The following CELF4 variants were observed in gnomAD, a reference collection of about 807,000 sequenced individuals.
CELF4 encodes CUGBP Elav-like family member 4.
In CELF4, 18 loss-of-function variants were observed where a neutral mutation model predicts 59.9. That is an observed-to-expected ratio of 0.30 (90% CI 0.21 to 0.45). CELF4 has a LOEUF of 0.45. CELF4 is among the 20% of genes least tolerant of loss of function. CELF4 has a pLI of 1.00. For synonymous variants in CELF4, 261 were observed against 267.1 expected (o/e 0.98, Z 0.22); for missense variants, 456 against 689.0 (o/e 0.66, Z 3.79).
chr18:37,270,583 C>T (rs1383823175), intron 8 of CELF4, among the ~76,000 whole-genome samples, 185 bp downstream of exon 8: 2 of 152,182 alleles, frequency 1.3e-5, no homozygotes, highest in African/African-American at 4.8e-5. Flanking sequence ...GGATTTTGGT[C>T]TCATTTTTTC....
chr18:37,317,248 G>A lies in CELF4; in HGVS notation c.448+4555C>T, dbSNP rs953053719. Among the ~76,000 whole-genome samples the A allele has an allele frequency of 2.6e-5, 4 of 152,318 alleles. No homozygotes were observed. The East Asian group carries it at 5.8e-4, about 22-fold the overall frequency. On this transcript the variant is annotated intron_variant, in intron 3 of 12. Coordinates refer to ENST00000420428, the MANE Select transcript of CELF4 (RefSeq NM_020180.4). ...CTAATAATACAAAAATTAGCTAGGC[G>A]TGGTGGCGCACACTTGTAATCCCAG...
chr18:37,539,309 A>G lies in CELF4; in HGVS notation c.286+26047T>C, dbSNP rs189490955. The stretch of plus-strand genomic sequence containing the variant: ...AGCTGAAGCACAGAGAAGTTAAGCC[A>G]CTTGCCTAAGGTCACCCAGTTAGAG... On this transcript the variant is annotated intron_variant, in intron 1 of 12. Transcript: ENST00000420428. Among the ~76,000 whole-genome samples the G allele has an allele frequency of 1.6e-3, 249 of 152,314 alleles. 1 individual carries two copies. Among genetic ancestry groups the G allele is most frequent in the African/African-American group, 5.9e-3 (244 of 41,566 alleles).
intron 2 of CELF4, among the ~76,000 whole-genome samples, chr18:37,327,976 C>A (rs540370552): frequency 3.5e-4 from 54 of 152,328 alleles, no homozygotes; most frequent in African/African-American, 1.2e-3. Flanking sequence ...CACACATGAA[C>A]CTGCACTACT....
chr18:37,377,529 G>A (rs543624507), intron 2 of CELF4, among the ~76,000 whole-genome samples: 2 of 152,338 alleles, frequency 1.3e-5, no homozygotes, highest in South Asian at 4.1e-4. Flanking sequence ...CTGGGCTAGT[G>A]CCAGCTGAGG....
At chr18:37,423,064 G>A (rs62083619) in intron 2 of CELF4, among the ~76,000 whole-genome samples, 14,420 of 150,326 alleles carry the variant, frequency 0.096, 897 homozygotes, top group African/African-American at 0.18. Context: ...GCGCGCGCGC[G>A]CACACACACA....
In CELF4 at chr18:37,273,207, G is replaced by T. The variant is rs755229341; in HGVS notation, c.802-44C>A. On this transcript the variant is annotated intron_variant, in intron 6 of 12. Transcript: ENST00000420428. The stretch of plus-strand genomic sequence containing the variant: ...AAAAAATATCACGTGCTTCCAGGGG[G>T]CATCCCTCCCCGACAGGGGCCTCAG... 5.0e-6 allele frequency: 8 copies of T among 1,585,066 alleles called. No homozygotes were observed. In the African/African-American group the frequency reaches 9.4e-5, roughly 19 times the overall value.
intron 1 of CELF4, among the ~76,000 whole-genome samples, chr18:37,553,947 C>T (rs1240858587): frequency 6.6e-6 from 1 of 152,148 alleles, no homozygotes; most frequent in African/African-American, 2.4e-5. Context: ...AAAGAGGAAC[C>T]CTCCCCTCAC....
chr18:37,266,360 C>T (rs2077530255), intron 9 of CELF4, 173 bp downstream of exon 9: 2 of 701,478 alleles, frequency 2.9e-6, no homozygotes, highest in African/African-American at 1.8e-5. Context: ...TCTCGGTGGC[C>T]CGCTGACAAG....
intron 2 of CELF4, among the ~76,000 whole-genome samples, chr18:37,388,169 T>G (rs566836916): frequency 6.6e-6 from 1 of 151,980 alleles, no homozygotes; most frequent in African/African-American, 2.4e-5. Flanking sequence ...GGGGCTTCTC[T>G]AAAGGGAAAA....
intron 1 of CELF4, among the ~76,000 whole-genome samples, chr18:37,515,987 G>A (rs1388879500): frequency 6.6e-6 from 1 of 152,180 alleles, no homozygotes; most frequent in African/African-American, 2.4e-5. Flanking sequence ...GGCACTTGAT[G>A]CACTTTGGTG....
intron 2 of CELF4, among the ~76,000 whole-genome samples, chr18:37,398,721 C>G (rs893247550): frequency 6.6e-5 from 10 of 152,154 alleles, no homozygotes; most frequent in African/African-American, 2.2e-4. Flanking sequence ...CTCTCCAAGG[C>G]GTGGGGGTTC....
chr18:37,515,833 C>T (rs980123321), intron 1 of CELF4, among the ~76,000 whole-genome samples: 1 of 151,996 alleles, frequency 6.6e-6, no homozygotes, highest in African/African-American at 2.4e-5. Context: ...GGCTGGAGGA[C>T]ATTGGCCAGA....
At chr18:37,358,870 G>A (rs1223414994) in intron 2 of CELF4, among the ~76,000 whole-genome samples, 1 of 152,190 alleles carries the variant, frequency 6.6e-6, no homozygotes, top group African/African-American at 2.4e-5. Flanking sequence ...TCGGGAAGCT[G>A]AGGTAGGTGG....
At chr18:37,261,633 A>G (rs759032394) in intron 10 of CELF4, among the ~76,000 whole-genome samples, 13 of 152,180 alleles carry the variant, frequency 8.5e-5, no homozygotes, top group Non-Finnish European at 1.6e-4. Context: ...GACTTTAGAG[A>G]CCAATGTGGT....
Position 37,428,292 on chromosome 18 carries a change from T to C in CELF4, c.369+57233A>G, listed in dbSNP as rs148916598. Among the ~76,000 whole-genome samples, 128 of 151,038 alleles carry C rather than the reference T, an allele frequency of 8.5e-4. 1 individual carries two copies. Among genetic ancestry groups the C allele is most frequent in the Middle Eastern group, 6.8e-3 (2 of 292 alleles). ...CAGTGGCTGAGTCCTCAGGAATGCA[T>C]GGAGAGGTGAAGGAGGGGGCGGTGT... On this transcript the variant is annotated intron_variant, in intron 2 of 12. Transcript: ENST00000420428.
chr18:37,263,818 A>G (rs568633922), intron 10 of CELF4, among the ~76,000 whole-genome samples: 1 of 152,098 alleles, frequency 6.6e-6, no homozygotes, highest in East Asian at 1.9e-4. Context: ...CTGCCCACGC[A>G]GTCCTGCCCT....
chr18:37,270,740 G>T (rs750062173), intron 8 of CELF4, 28 bp downstream of exon 8: 1 of 1,613,162 alleles, frequency 6.2e-7, no homozygotes, highest in Admixed American at 1.7e-5. Context: ...TGCTGCATAC[G>T]GAAATAAGTG....
In CELF4 at chr18:37,565,750, C is replaced by A. The variant is rs2099988011; in HGVS notation, c.-109G>T. ...ACGCATACACACACTCGGGTTCTCT[C>A]CCCCTCGGTTTCTCTACACCTCGCT... On this transcript the variant is annotated 5_prime_UTR_variant, in exon 1 of 13. Transcript: ENST00000420428. 1 of 874,458 alleles carries A rather than the reference C, an allele frequency of 1.1e-6. No individual in the cohort carries two copies. The allele number at this position is 874,458 out of a possible 1,614,324, so 54.2% of individuals were successfully genotyped here.
At chr18:37,353,017 C>A (rs185354148) in intron 2 of CELF4, among the ~76,000 whole-genome samples, 40 of 152,016 alleles carry the variant, frequency 2.6e-4, no homozygotes, top group East Asian at 5.8e-4. Context: ...GTCAGGAGAT[C>A]GAGACCATCC....
Sources: allele counts gnomAD v4.1 joint callset (sites outside exome capture counted in the v4.1 genomes callset), GRCh38; gene constraint gnomAD v4.1.1; transcripts MANE v1.5; gene names NCBI Gene and HGNC (gene_info 2026-07-23, HGNC 2026-07-21).